The following LCORL variants were observed in gnomAD, a reference collection of about 807,000 sequenced individuals.
LCORL encodes the protein ligand-dependent nuclear receptor corepressor-like protein.
A neutral mutation model predicts 141.8 loss-of-function variants in LCORL; 41 were observed. The ratio of observed to expected loss-of-function variants is 0.29; its 90% CI spans 0.23 to 0.38. The LOEUF (loss-of-function observed/expected upper bound fraction) is 0.38, where lower values mean the gene tolerates loss of function less well. Among genes scored for constraint, LCORL ranks in the 10% least tolerant of loss-of-function variants. The probability of loss-of-function intolerance (pLI) is 1.00; values close to 1 mark genes in which losing one functional copy is unlikely to be tolerated. For missense variants in LCORL, 1,759 were observed against 2,035.0 expected (o/e 0.86, Z 2.61); for synonymous variants, 618 against 694.1 (o/e 0.89, Z 1.72).
chr4:17,856,272 C>A (rs1282817207), intron 7 of LCORL, among the ~76,000 whole-genome samples: 1 of 152,264 alleles, frequency 6.6e-6, no homozygotes, highest in East Asian at 1.9e-4. Context: ...GAAGCTCTAA[C>A]CCTGAAGGTG....
intron 4 of LCORL, among the ~76,000 whole-genome samples, chr4:17,930,101 A>G (rs1735764809): frequency 6.6e-6 from 1 of 152,232 alleles, no homozygotes; most frequent in African/African-American, 2.4e-5. Context: ...AATACAGATA[A>G]TAACAAGTAT....
chr4:17,921,052 TCTCA>T (rs1483483999), intron 4 of LCORL, among the ~76,000 whole-genome samples: 3 of 152,174 alleles, frequency 2.0e-5, no homozygotes, highest in Non-Finnish European at 2.9e-5. Context: ...TGAGACAAAG[TCTCA>T]CTCTGTTGCC....
At position 17,884,004 on chromosome 4, in the gene LCORL, G is replaced by T. The variant is rs1228003985; in HGVS notation, c.776+2064C>A. On this transcript the variant is annotated intron_variant, in intron 6 of 7. Coordinates refer to ENST00000635767, the Ensembl canonical transcript of LCORL. This position sits in a 1 kb window ranked among gnomAD's most constrained non-coding sequence, Gnocchi z 4.4. ...TTCCTGGGCTGCTTACTGTCTTTTC[G>T]ATCTAATCCATCTTCAGTATTTTCA... is the stretch of plus-strand genomic sequence containing the variant. The T allele has an allele frequency of 6.4e-7, 1 of 1,550,618 alleles. No homozygotes were observed. Among genetic ancestry groups the T allele is most frequent in the African/African-American group, 1.4e-5 (1 of 72,968 alleles).
intron 4 of LCORL, among the ~76,000 whole-genome samples, chr4:17,950,213 G>C (rs1388059411): frequency 6.6e-6 from 1 of 152,108 alleles, no homozygotes; most frequent in Non-Finnish European, 1.5e-5. Flanking sequence ...CATAAAACTT[G>C]CATATGAAGG....
chr4:17,892,550 G>A lies in LCORL; in HGVS notation c.683-6389C>T, dbSNP rs113664214. 2.1e-3 allele frequency among the ~76,000 whole-genome samples: 321 copies of A among 152,158 alleles called. 3 individuals are homozygous for A. Among genetic ancestry groups the A allele is most frequent in the Non-Finnish European group, 3.7e-3 (252 of 67,978 alleles). On this transcript the variant is annotated intron_variant, in intron 5 of 7. Coordinates refer to ENST00000635767, the Ensembl canonical transcript of LCORL. ...ACTGGAAGGTTATTTTCTTCCCGATGTGTTTTGTTTTGTATATATATAGCT... is the reference window on the plus strand; with the variant it reads ...ACTGGAAGGTTATTTTCTTCCCGATATGTTTTGTTTTGTATATATATAGCT...
At chr4:17,936,822 A>G (rs540247360) in intron 4 of LCORL, among the ~76,000 whole-genome samples, 53 of 152,170 alleles carry the variant, frequency 3.5e-4, no homozygotes, top group Non-Finnish European at 6.9e-4. Flanking sequence ...TAGTTTAATT[A>G]GAAAAGATCA....
chr4:17,978,634 G>A (rs1290289867), intron 1 of LCORL, among the ~76,000 whole-genome samples: 1 of 151,660 alleles, frequency 6.6e-6, no homozygotes, highest in Non-Finnish European at 1.5e-5. Context: ...TTTCACTTTG[G>A]GTGGTGGGAA....
chr4:17,977,508 GT>G (rs1393533048), intron 1 of LCORL, among the ~76,000 whole-genome samples: 1 of 152,144 alleles, frequency 6.6e-6, no homozygotes, highest in Non-Finnish European at 1.5e-5. Flanking sequence ...TCTCCACGTG[GT>G]TTTAATTTGT....
chr4:17,945,925 T>C (rs544320254), intron 4 of LCORL, among the ~76,000 whole-genome samples: 133 of 151,972 alleles, frequency 8.8e-4, no homozygotes, highest in African/African-American at 3.0e-3. Flanking sequence ...TTAAATACCA[T>C]GAAGAACTTA....
At chr4:17,985,784 G>A (rs1718853537) in intron 1 of LCORL, among the ~76,000 whole-genome samples, 2 of 152,236 alleles carry the variant, frequency 1.3e-5, no homozygotes, top group Middle Eastern at 3.4e-3. Context: ...ATTGATATGT[G>A]TGGATTTGAC....
At chr4:17,987,583 T>C (rs1464893912) in intron 1 of LCORL, among the ~76,000 whole-genome samples, 1 of 152,220 alleles carries the variant, frequency 6.6e-6, no homozygotes, top group Non-Finnish European at 1.5e-5. Flanking sequence ...CTGGGTCATA[T>C]GGTAAGTTTA....
chr4:17,935,134 G>T (rs1736642971), intron 4 of LCORL, among the ~76,000 whole-genome samples: 1 of 152,158 alleles, frequency 6.6e-6, no homozygotes, highest in African/African-American at 2.4e-5. Flanking sequence ...GCTTTGGTAG[G>T]TACAGAAGAA....
chr4:17,848,809 A>T (rs564073799), intron 7 of LCORL, among the ~76,000 whole-genome samples: 1 of 152,344 alleles, frequency 6.6e-6, no homozygotes, highest in East Asian at 1.9e-4. Flanking sequence ...CACCTGGAAA[A>T]TCAGGTCACT....
chr4:17,958,651 A>G (rs753456382), intron 4 of LCORL, among the ~76,000 whole-genome samples: 5 of 152,024 alleles, frequency 3.3e-5, no homozygotes, highest in African/African-American at 9.7e-5. Context: ...AAGGTTAACT[A>G]TATGTACGTA....
intron 4 of LCORL, among the ~76,000 whole-genome samples, chr4:17,945,359 A>C (rs1304101780): frequency 6.6e-6 from 1 of 152,042 alleles, no homozygotes; most frequent in African/African-American, 2.4e-5. Flanking sequence ...ACATTTTATA[A>C]AATAGTTGAG....
At position 17,969,505 on chromosome 4, in the gene LCORL, G is replaced by A. The variant is rs527295803; in HGVS notation, c.220+3315C>T. On this transcript the variant is annotated intron_variant, in intron 2 of 7. Transcript: ENST00000635767. ...CCAACGTTGATTTTTAAGGTAGTAG[G>A]ATGAACTTTAGAATATATTTTTCAA... Among the ~76,000 whole-genome samples, 3 of 152,172 alleles carry A rather than the reference G, an allele frequency of 2.0e-5. No homozygotes were observed. The South Asian group carries it at 6.2e-4, about 32-fold the overall frequency.
chr4:18,012,179 CA>C (rs1342156017), intron 1 of LCORL, among the ~76,000 whole-genome samples: 2 of 152,214 alleles, frequency 1.3e-5, no homozygotes, highest in African/African-American at 2.4e-5. Flanking sequence ...ATATTGGCAA[CA>C]TCCTTACAGT....
At chr4:17,874,041 A>T (rs1726654374) in exon 7 of LCORL, 1 of 1,233,860 alleles carries the variant, frequency 8.1e-7, no homozygotes, top group Admixed American at 4.2e-5. Context: ...TTTTCCTTGG[A>T]GTGGGATGTC....
chr4:17,954,778 A>G (rs1359197541), intron 4 of LCORL, among the ~76,000 whole-genome samples: 6 of 152,194 alleles, frequency 3.9e-5, no homozygotes, highest in African/African-American at 1.2e-4. Flanking sequence ...GAAACCAAAG[A>G]AGGCTCCTGG....
Sources: allele counts gnomAD v4.1 joint callset (sites outside exome capture counted in the v4.1 genomes callset), GRCh38; gene constraint gnomAD v4.1.1; non-coding constraint Gnocchi (gnomAD v3.1); transcripts MANE v1.5; gene names NCBI Gene and HGNC (gene_info 2026-07-23, HGNC 2026-07-21).